The following BSN variants were observed in gnomAD, a reference collection of about 807,000 sequenced individuals.
BSN encodes protein bassoon.
BSN carries 57 observed loss-of-function variants against 264.8 expected under a neutral mutation model. The ratio of observed to expected loss-of-function variants is 0.22; its 90% CI spans 0.17 to 0.27. The LOEUF is 0.27. BSN is among the 10% of genes least tolerant of loss of function. BSN has a pLI of 1.00. For missense variants in BSN, 4,615 were observed against 5,232.5 expected (o/e 0.88, Z 3.64); for synonymous variants, 2,059 against 2,137.3 (o/e 0.96, Z 1.01).
chr3:49,559,824 G>A (rs879592954), intron 1 of BSN, among the ~76,000 whole-genome samples: 8 of 152,170 alleles, frequency 5.3e-5, no homozygotes, highest in African/African-American at 7.2e-5. Context: ...CTGTCTAGAA[G>A]CTAATCAGAT....
Position 49,625,695 on chromosome 3 carries a change from T to G in BSN, c.633+312T>G, listed in dbSNP as rs533343045. Among the ~76,000 whole-genome samples the G allele has an allele frequency of 2.0e-5, 3 of 152,340 alleles. No individual in the cohort carries two copies. In the South Asian group the frequency reaches 6.2e-4, roughly 32 times the overall value. On this transcript the variant is annotated intron_variant, in intron 2 of 11. Transcript: ENST00000296452. This position sits in a 1 kb window ranked among gnomAD's most constrained non-coding sequence, Gnocchi z 4.4. ...TTCGAGAGGACCAAAGACAATCTTA[T>G]GAACAATTTTTCCCAATGGAACTCA...
chr3:49,644,452 T>A (rs2052490986), intron 3 of BSN, among the ~76,000 whole-genome samples: 1 of 151,982 alleles, frequency 6.6e-6, no homozygotes, highest in African/African-American at 2.4e-5. Context: ...GGCCACACTT[T>A]CCAATATGCA....
rs910038426 is a variant in BSN at position 49,568,046 on chromosome 3, C to T, written c.224+13220C>T. Among the ~76,000 whole-genome samples, 13 of 152,092 alleles carry T rather than the reference C, an allele frequency of 8.5e-5. 1 individual carries two copies. The highest frequency in any genetic ancestry group is 4.4e-5 in the Non-Finnish European group (3 of 68,028). ...AGGGGTTGGGAGACAGGTGGAAGAC[C>T]GTACTGACTTTTATGATTTAGTCTT... On this transcript the variant is annotated intron_variant, in intron 1 of 11. Transcript: ENST00000296452.
Position 49,663,350 on chromosome 3 carries a change from G to T in BSN, c.11192G>T (p.Gly3731Val). 6.2e-7 allele frequency: 1 copy of T among 1,613,568 alleles called. No individual in the cohort carries two copies. The highest frequency in any genetic ancestry group is 1.1e-5 in the South Asian group (1 of 91,088). Residue 3731 changes from glycine to valine, a missense_variant, in exon 7 of 12, where the codon GGG (glycine) becomes GTG (valine). Transcript: ENST00000296452. Reference sequence around the variant, plus strand: ...AAGGGCTCCCGGCAAGCCCACTCCGGGCCCGCTGCACTGCAGTCAAAGGCA... The same window carrying T: ...AAGGGCTCCCGGCAAGCCCACTCCGTGCCCGCTGCACTGCAGTCAAAGGCA... ...SKKGSRQAHS[G>V]PAALQSKAEP... is the part of the protein sequence containing the mutation.
In BSN at chr3:49,653,514, C is replaced by G. The variant is rs1244942643; in HGVS notation, c.3958C>G (p.Pro1320Ala). 5.0e-6 allele frequency: 8 copies of G among 1,613,822 alleles called. No homozygotes were observed. In the East Asian group the frequency reaches 1.8e-4, roughly 36 times the overall value. ...PGTSPTQLAA[P>A]VSFSTPTSSD... Reference sequence around the variant, plus strand: ...TACCAGTCCCACCCAGCTCGCTGCCCCTGTGTCCTTCTCTACCCCCACCTC... The same window carrying G: ...TACCAGTCCCACCCAGCTCGCTGCCGCTGTGTCCTTCTCTACCCCCACCTC... The change falls in exon 5 of 12, where the codon CCT becomes GCT. Residue 1320 changes from proline (P) to alanine (A), a missense_variant. Coordinates refer to ENST00000296452, the MANE Select transcript of BSN (RefSeq NM_003458.4). This position sits in a 1 kb window ranked among gnomAD's most constrained non-coding sequence, Gnocchi z 6.3.
intron 2 of BSN, among the ~76,000 whole-genome samples, chr3:49,635,017 G>A (rs551847400): frequency 1.1e-4 from 17 of 152,270 alleles, no homozygotes; most frequent in Admixed American, 9.8e-4. Context: ...TGATGACTGC[G>A]AAGAGCCATG....
At chr3:49,614,575 G>A (rs767821973) in intron 1 of BSN, among the ~76,000 whole-genome samples, 10 of 152,170 alleles carry the variant, frequency 6.6e-5, no homozygotes, top group Non-Finnish European at 1.3e-4. Flanking sequence ...GCAATTCTTA[G>A]TGAGACACTA....
At chr3:49,664,586 G>C in intron 9 of BSN, 32 bp downstream of exon 9, 2 of 1,569,116 alleles carry the variant, frequency 1.3e-6, no homozygotes, top group Non-Finnish European at 1.7e-6. Context: ...TCTGTGGTGG[G>C]TGGCTACTCT....
chr3:49,615,810 A>AT (rs2052255728), intron 1 of BSN, among the ~76,000 whole-genome samples: 1 of 152,138 alleles, frequency 6.6e-6, no homozygotes, highest in Non-Finnish European at 1.5e-5. Flanking sequence ...TACACTTTCC[A>AT]TGGAGCCTGG....
At chr3:49,593,962 C>T (rs912012694) in intron 1 of BSN, among the ~76,000 whole-genome samples, 2 of 151,922 alleles carry the variant, frequency 1.3e-5, no homozygotes, top group Non-Finnish European at 2.9e-5. Flanking sequence ...GCCACCACGC[C>T]TTCCTAATTT....
intron 1 of BSN, among the ~76,000 whole-genome samples, chr3:49,618,050 G>A (rs2052275254): frequency 6.6e-6 from 1 of 151,926 alleles, no homozygotes; most frequent in African/African-American, 2.4e-5. Flanking sequence ...GACTTCTCTG[G>A]TTCTGACATC....
At chr3:49,559,549 A>T (rs2051698340) in intron 1 of BSN, among the ~76,000 whole-genome samples, 1 of 152,186 alleles carries the variant, frequency 6.6e-6, no homozygotes, top group South Asian at 2.1e-4. Flanking sequence ...TTCAGTCAGG[A>T]TTCTACTTTT....
chr3:49,613,489 T>G (rs778786688), intron 1 of BSN, among the ~76,000 whole-genome samples: 96 of 151,292 alleles, frequency 6.3e-4, no homozygotes, highest in Non-Finnish European at 1.0e-3. Context: ...TTTTTATTAT[T>G]ATTATTATTA....
At position 49,669,686 on chromosome 3, in the gene BSN, T is replaced by C. The variant is rs576950631; in HGVS notation, c.*2201T>C. ...GGAAGAGCTGGGCCTTTGGCACTTGTGGTGAGAACAGTTGACAGTGGTCAT... is the reference window on the plus strand; with the variant it reads ...GGAAGAGCTGGGCCTTTGGCACTTGCGGTGAGAACAGTTGACAGTGGTCAT... On this transcript the variant is annotated 3_prime_UTR_variant, in exon 12 of 12. Coordinates refer to ENST00000296452, the MANE Select transcript of BSN (RefSeq NM_003458.4). The C allele has an allele frequency of 2.0e-5, 3 of 152,344 alleles. No individual in the cohort carries two copies. In the South Asian group the frequency reaches 6.2e-4, roughly 32 times the overall value. 9.4% of individuals were successfully genotyped at this position (152,344 alleles called of 1,614,324 possible).
chr3:49,620,905 C>T (rs1439266613), intron 1 of BSN, among the ~76,000 whole-genome samples: 11 of 151,870 alleles, frequency 7.2e-5, no homozygotes, highest in African/African-American at 2.4e-4. Context: ...TGCATCACTG[C>T]GCTCCAGCCT....
At chr3:49,578,814 C>T (rs1410624260) in intron 1 of BSN, among the ~76,000 whole-genome samples, 3 of 152,114 alleles carry the variant, frequency 2.0e-5, no homozygotes, top group African/African-American at 7.2e-5. Context: ...CCTAAGGTAA[C>T]CACTAATCTA....
intron 2 of BSN, among the ~76,000 whole-genome samples, chr3:49,632,554 A>G (rs1453232473): frequency 6.6e-6 from 1 of 152,216 alleles, no homozygotes; most frequent in Non-Finnish European, 1.5e-5. Flanking sequence ...CTGTAATCCC[A>G]GGACTTTGGG....
In BSN at chr3:49,667,709, C is replaced by T. The variant is rs1322362785; in HGVS notation, c.*224C>T. ...CTGCCTGGGTGAAGCATCTGCTGGA[C>T]AAGTCGGACCACTGGCCAGGGGACC... On this transcript the variant is annotated 3_prime_UTR_variant, in exon 12 of 12. Transcript: ENST00000296452. The T allele has an allele frequency of 6.6e-6, 1 of 152,664 alleles. No homozygotes were observed. Among genetic ancestry groups the T allele is most frequent in the African/African-American group, 2.4e-5 (1 of 41,446 alleles). 9.5% of individuals were successfully genotyped at this position (152,664 alleles called of 1,614,324 possible).
chr3:49,633,064 T>A (rs968770259), intron 2 of BSN, among the ~76,000 whole-genome samples: 1 of 152,050 alleles, frequency 6.6e-6, no homozygotes, highest in Non-Finnish European at 1.5e-5. Context: ...CCTAGCACTT[T>A]GGGAGGCTGA....
Sources: allele counts gnomAD v4.1 joint callset (sites outside exome capture counted in the v4.1 genomes callset), GRCh38; gene constraint gnomAD v4.1.1; non-coding constraint Gnocchi (gnomAD v3.1); transcripts MANE v1.5; gene names NCBI Gene and HGNC (gene_info 2026-07-23, HGNC 2026-07-21).